The following BACH2 variants were observed in gnomAD, a reference collection of about 807,000 sequenced individuals.
The protein encoded by BACH2 is BACH transcriptional regulator 2, also known as transcription regulator protein BACH2.
In BACH2, 5 loss-of-function variants were observed where a neutral mutation model predicts 61.8. The observed-to-expected ratio is 0.08, with a 90% CI of 0.04 to 0.17. The LOEUF (loss-of-function observed/expected upper bound fraction) is 0.17, where lower values mean the gene tolerates loss of function less well. BACH2 is among the 10% of genes least tolerant of loss of function. The pLI is 1.00. For missense variants in BACH2, 824 were observed against 1,091.1 expected, an observed-to-expected ratio of 0.76 and a Z score of 3.45; for synonymous variants, 446 against 440.1, an observed-to-expected ratio of 1.01 and a Z score of -0.17.
At chr6:90,274,500 G>A (rs532667261) in intron 1 of BACH2, among the ~76,000 whole-genome samples, 119 of 152,256 alleles carry the variant, frequency 7.8e-4, no homozygotes, top group African/African-American at 2.7e-3. Context: ...AGTGCCACTC[G>A]GGTTCATGCA....
chr6:90,027,894 A>G (rs569521027), intron 5 of BACH2, among the ~76,000 whole-genome samples: 1 of 152,380 alleles, frequency 6.6e-6, no homozygotes, highest in South Asian at 2.1e-4. Flanking sequence ...TGCACATTAT[A>G]TACACTTGTA....
At chr6:90,066,474 C>G (rs373027393) in intron 5 of BACH2, among the ~76,000 whole-genome samples, 2 of 152,064 alleles carry the variant, frequency 1.3e-5, no homozygotes, top group East Asian at 3.9e-4. Context: ...TGGTGGCAGA[C>G]GGTAGGGTGG....
chr6:90,212,814 T>C (rs1411268337), intron 3 of BACH2, among the ~76,000 whole-genome samples: 1 of 152,126 alleles, frequency 6.6e-6, no homozygotes, highest in Non-Finnish European at 1.5e-5. Flanking sequence ...CGCACACAAA[T>C]AGTCTGAGAG....
intron 8 of BACH2, among the ~76,000 whole-genome samples, chr6:89,934,655 T>C (rs1447829971): frequency 6.6e-6 from 1 of 151,460 alleles, no homozygotes; most frequent in East Asian, 1.9e-4. Context: ...CGAGACTTTG[T>C]CTCAAAAAAA....
intron 4 of BACH2, among the ~76,000 whole-genome samples, chr6:90,097,504 C>T (rs2127810293): frequency 6.6e-6 from 1 of 152,288 alleles, no homozygotes; most frequent in Non-Finnish European, 1.5e-5. Flanking sequence ...CTTAAATGAG[C>T]ACTTCTACCC....
chr6:89,976,107 C>T lies in BACH2; in HGVS notation c.244-24245G>A, dbSNP rs571717966. Among the ~76,000 whole-genome samples, 21 of 152,296 alleles carry T rather than the reference C, an allele frequency of 1.4e-4. 1 individual carries two copies. The highest frequency in any genetic ancestry group is 1.4e-3 in the Admixed American group (21 of 15,300). ...CTTGTCATGCCTGAGTATCACTTCT[C>T]CTATAGCAAGCAAGATCGCCCGCTG... On this transcript the variant is annotated intron_variant, in intron 6 of 8. Transcript: ENST00000257749.
At chr6:90,028,844 AC>A (rs1200833678) in intron 5 of BACH2, among the ~76,000 whole-genome samples, 3 of 152,224 alleles carry the variant, frequency 2.0e-5, no homozygotes, top group African/African-American at 7.2e-5. Context: ...AAGACACTTA[AC>A]TTTTCCGTGC....
At chr6:90,269,555 A>G (rs1225173396) in intron 2 of BACH2, among the ~76,000 whole-genome samples, 1 of 152,230 alleles carries the variant, frequency 6.6e-6, no homozygotes, top group Admixed American at 6.5e-5. Flanking sequence ...TGACACTGAA[A>G]TAAGGAAATC....
At chr6:89,938,679 A>G (rs1188884552) in intron 7 of BACH2, among the ~76,000 whole-genome samples, 1 of 152,214 alleles carries the variant, frequency 6.6e-6, no homozygotes, top group Non-Finnish European at 1.5e-5. Context: ...ATGTACTTCC[A>G]TAAGACCTAC....
chr6:90,136,842 C>CT (rs911635513), intron 4 of BACH2, among the ~76,000 whole-genome samples: 210 of 143,832 alleles, frequency 1.5e-3, no homozygotes, highest in African/African-American at 2.9e-3. Context: ...TCTTTTCTTT[C>CT]TTTTTTTTTT....
chr6:90,162,387 C>T (rs996228926), intron 4 of BACH2, among the ~76,000 whole-genome samples: 1 of 152,126 alleles, frequency 6.6e-6, no homozygotes, highest in African/African-American at 2.4e-5. Context: ...GCCTGTAATC[C>T]TAGCGCTTTG....
intron 4 of BACH2, among the ~76,000 whole-genome samples, chr6:90,137,335 G>A (rs1036146480): frequency 1.3e-5 from 2 of 152,110 alleles, no homozygotes; most frequent in African/African-American, 2.4e-5. Flanking sequence ...ACTTTCAGAT[G>A]TTTCTGCTGG....
rs3221352 is a variant in BACH2, at chr6:90,218,920, C to CGTGTGTGT, written c.-274-12247_-274-12240dup. On this transcript the variant is annotated intron_variant, in intron 3 of 8. Coordinates refer to ENST00000257749, the MANE Select transcript of BACH2 (RefSeq NM_021813.4). ...GGGCTGTGAATTTCGGTTTCCTTTC[C>CGTGTGTGT]GTGTGTGTGTGTGTGTGTGTGTGTG... Among the ~76,000 whole-genome samples, 550 of 140,474 alleles carry CGTGTGTGT rather than the reference C, an allele frequency of 3.9e-3. 3 individuals carry two copies. Among genetic ancestry groups the CGTGTGTGT allele is most frequent in the Middle Eastern group, 0.011 (3 of 280 alleles). 92.2% of individuals were successfully genotyped at this position (140,474 alleles called of 152,430 possible).
At chr6:90,148,829 T>C (rs1327609949) in intron 4 of BACH2, among the ~76,000 whole-genome samples, 1 of 152,188 alleles carries the variant, frequency 6.6e-6, no homozygotes, top group Non-Finnish European at 1.5e-5. Flanking sequence ...TGTTGTTTTT[T>C]GATAAAGAGA....
At chr6:89,960,729 T>C (rs531238276) in intron 6 of BACH2, among the ~76,000 whole-genome samples, 32 of 152,362 alleles carry the variant, frequency 2.1e-4, no homozygotes, top group African/African-American at 6.7e-4. Flanking sequence ...CCTTAGAATC[T>C]AGAAGACAAA....
At chr6:89,948,509 C>G (rs1773882314) in intron 7 of BACH2, among the ~76,000 whole-genome samples, 2 of 152,190 alleles carry the variant, frequency 1.3e-5, no homozygotes, top group South Asian at 4.1e-4. Flanking sequence ...TGCCCGGCCC[C>G]AGGCTCCTCT....
chr6:90,169,366 C>T (rs1057247132), intron 4 of BACH2, among the ~76,000 whole-genome samples: 8 of 152,060 alleles, frequency 5.3e-5, no homozygotes, highest in African/African-American at 1.9e-4. Flanking sequence ...TGGATGATGC[C>T]TTAATGATGA....
At chr6:90,117,595 C>T (rs750828428) in intron 4 of BACH2, among the ~76,000 whole-genome samples, 2 of 152,042 alleles carry the variant, frequency 1.3e-5, no homozygotes, top group Non-Finnish European at 2.9e-5. Context: ...AACTCTGCTC[C>T]CCTGTGCATC....
At chr6:90,250,917 G>C (rs1294303848) in intron 3 of BACH2, among the ~76,000 whole-genome samples, 1 of 152,124 alleles carries the variant, frequency 6.6e-6, no homozygotes, top group Non-Finnish European at 1.5e-5. Flanking sequence ...TTAGCAGGAA[G>C]GCACTATTAT....
Sources: gnomAD v4.1 joint callset for allele counts (sites outside exome capture counted in the v4.1 genomes callset) on GRCh38, gnomAD v4.1.1 for gene constraint, MANE v1.5 for transcripts, NCBI Gene and HGNC (gene_info 2026-07-23, HGNC 2026-07-21) for gene names.